ACBD5: variants seen among roughly 807,000 people sequenced by gnomAD.
ACBD5 encodes the protein acyl-CoA binding domain containing 5, also known as acyl-CoA-binding domain-containing protein 5.
A neutral mutation model predicts 71.8 loss-of-function variants in ACBD5; 40 were observed. The observed-to-expected ratio is 0.56, with a 90% confidence interval of 0.43 to 0.72. ACBD5 has a LOEUF of 0.72. ACBD5 is among the 30% of genes least tolerant of loss of function. The probability of loss-of-function intolerance (pLI) is 0.00; values close to 1 mark genes in which losing one functional copy is unlikely to be tolerated. For synonymous variants in ACBD5, 229 were observed against 218.6 expected, an observed-to-expected ratio of 1.05 and a Z score of -0.42; for missense variants, 559 against 644.5, an observed-to-expected ratio of 0.87 and a Z score of 1.44.
upstream of ACBD5, chr10:27,240,853 C>A: frequency 2.0e-6 from 2 of 999,956 alleles, no homozygotes; most frequent in Middle Eastern, 3.1e-4. The surrounding 1 kb of genome is among the most constrained non-coding windows in gnomAD (Gnocchi z 4.1). Flanking sequence ...GACCCACTGG[C>A]GCCGCCGCCG....
At chr10:27,234,013 C>T (rs892897735) in intron 3 of ACBD5, among the ~76,000 whole-genome samples, 1 of 152,344 alleles carries the variant, frequency 6.6e-6, no homozygotes, top group East Asian at 1.9e-4. Context: ...CATTGCACTC[C>T]AGCCTGGGCA....
chr10:27,242,048 C>T (rs1219639859), upstream of ACBD5: 1 of 453,690 alleles, frequency 2.2e-6, no homozygotes, highest in Non-Finnish European at 4.4e-6. Context: ...AGCCGCGGCG[C>T]CGGCATTTAC....
intron 4 of ACBD5, among the ~76,000 whole-genome samples, chr10:27,227,690 C>T (rs1227777651): frequency 2.0e-5 from 3 of 152,076 alleles, no homozygotes; most frequent in Admixed American, 6.6e-5. Flanking sequence ...GCCATGGCAA[C>T]TTTCAGGTTC....
At chr10:27,229,485 G>A (rs1165514405) in intron 4 of ACBD5, among the ~76,000 whole-genome samples, 2 of 151,928 alleles carry the variant, frequency 1.3e-5, no homozygotes, top group Non-Finnish European at 2.9e-5. Context: ...CCAGCTACTC[G>A]GGAGGCTGAG....
At chr10:27,235,596 T>C (rs2780666) in intron 2 of ACBD5, among the ~76,000 whole-genome samples, 110,025 of 152,106 alleles carry the variant, frequency 0.72, 39,908 homozygotes, top group Non-Finnish European at 0.74. Flanking sequence ...CAAAACTGAC[T>C]AGTGTAAGTG....
intron 9 of ACBD5, among the ~76,000 whole-genome samples, chr10:27,209,745 A>G (rs2060865519): frequency 6.6e-6 from 1 of 152,230 alleles, no homozygotes; most frequent in Admixed American, 6.5e-5. Context: ...TATTTACAAA[A>G]TTGGCATTAC....
rs1259569792 is a variant in ACBD5 at position 27,195,389 on chromosome 10, G to C, written c.*2041C>G. ...TATATACAAGAACTGTGTGCAAAGT[G>C]CTTTTCAAACTATAAAATAAGACTT... On this transcript the variant is annotated 3_prime_UTR_variant, in exon 13 of 13. Transcript: ENST00000396271. The C allele has an allele frequency of 4.4e-6, 2 of 454,290 alleles. No individual in the cohort carries two copies. Among genetic ancestry groups the C allele is most frequent in the Non-Finnish European group, 8.8e-6 (2 of 226,770 alleles). The allele number at this position is 454,290 out of a possible 1,614,324, so 28.1% of individuals were successfully genotyped here.
intron 3 of ACBD5, among the ~76,000 whole-genome samples, chr10:27,234,174 A>G (rs1196746943): frequency 6.6e-6 from 1 of 152,258 alleles, no homozygotes; most frequent in Non-Finnish European, 1.5e-5. Context: ...CTGTTAGTCA[A>G]CTGGGAAAAC....
In ACBD5 at chr10:27,210,886, T is replaced by C. The variant is rs1302954823; in HGVS notation, c.1132A>G (p.Asn378Asp). Residue 378 changes from asparagine to aspartate, a missense_variant, in exon 9 of 13, where the codon AAC becomes GAC. By Grantham distance (23) the Asn-to-Asp change is conservative. Coordinates refer to ENST00000396271, the MANE Select transcript of ACBD5 (RefSeq NM_145698.5). ...VKHGGEDGRNNSGAPHREKRG... is the reference protein window; with the variant it reads ...VKHGGEDGRNDSGAPHREKRG... ...TTCTCCCGGTGTGGTGCTCCGCTGTTATTCCTGCCATCTTCTCCTCCATGC... is the reference window on the plus strand; with the variant it reads ...TTCTCCCGGTGTGGTGCTCCGCTGTCATTCCTGCCATCTTCTCCTCCATGC... The C allele has an allele frequency of 1.2e-6, 2 of 1,614,232 alleles. No individual in the cohort carries two copies. The highest frequency in any genetic ancestry group is 1.7e-5 in the Admixed American group (1 of 60,012).
At chr10:27,207,984 C>A (rs1245591759) in intron 10 of ACBD5, among the ~76,000 whole-genome samples, 1 of 152,208 alleles carries the variant, frequency 6.6e-6, no homozygotes, top group East Asian at 1.9e-4. Flanking sequence ...ATCCACCCAC[C>A]TCGGCCTCCC....
At position 27,196,524 on chromosome 10, in the gene ACBD5, T is replaced by A. The variant is rs941153990; in HGVS notation, c.*906A>T. 2.0e-5 allele frequency: 9 copies of A among 448,322 alleles called. No individual in the cohort carries two copies. The highest frequency in any genetic ancestry group is 3.1e-5 in the Non-Finnish European group (7 of 225,490). 27.8% of individuals were successfully genotyped at this position (448,322 alleles called of 1,614,324 possible). ...AGGTTAAGAGTCCAGTCTATATAGT[T>A]CATCAGTTGCAGAAAAGTGATTTTC... On this transcript the variant is annotated 3_prime_UTR_variant, in exon 13 of 13. Transcript: ENST00000396271.
At chr10:27,210,753 C>T in intron 9 of ACBD5, 61 bp downstream of exon 9, 2 of 1,610,616 alleles carry the variant, frequency 1.2e-6, no homozygotes, top group Non-Finnish European at 1.7e-6. Flanking sequence ...GCGCGAGACT[C>T]CATCTCAAAA....
downstream of ACBD5, among the ~76,000 whole-genome samples, chr10:27,191,270 T>TA (rs1314846997): frequency 6.6e-6 from 1 of 152,074 alleles, no homozygotes; most frequent in African/African-American, 2.4e-5. Flanking sequence ...ATAGAGACAG[T>TA]AAAAGGATCT....
At position 27,210,976 on chromosome 10, in the gene ACBD5, G is replaced by T; in HGVS notation, c.1042C>A (p.Pro348Thr). Reference protein sequence around the residue: ...NSGFREDIQVPPGNGNIGNMQ... With the variant: ...NSGFREDIQVTPGNGNIGNMQ... Reference sequence around the variant, plus strand: ...TTCCCAATGTTGCCATTTCCAGGAGGTACTTGAATATCTTCACGAAATCCA... The same window carrying T: ...TTCCCAATGTTGCCATTTCCAGGAGTTACTTGAATATCTTCACGAAATCCA... The change falls in exon 9 of 13, where the codon CCT becomes ACT. Residue 348 changes from proline to threonine, a missense_variant. By Grantham distance (38) the Pro-to-Thr change is conservative (BLOSUM62 -1). Coordinates refer to ENST00000396271, the MANE Select transcript of ACBD5 (RefSeq NM_145698.5). 6.2e-7 allele frequency: 1 copy of T among 1,614,078 alleles called. No individual in the cohort carries two copies. Among genetic ancestry groups the T allele is most frequent in the South Asian group, 1.1e-5 (1 of 91,074 alleles).
intron 8 of ACBD5, among the ~76,000 whole-genome samples, chr10:27,211,900 T>C (rs969538870): frequency 6.6e-6 from 1 of 151,844 alleles, no homozygotes; most frequent in Admixed American, 6.6e-5. Context: ...AAGGGACATC[T>C]GAGTTAGGGT....
intron 8 of ACBD5, among the ~76,000 whole-genome samples, chr10:27,215,171 CA>C (rs138064304): frequency 0.027 from 4,121 of 151,226 alleles, 76 homozygotes; most frequent in Middle Eastern, 0.048. Flanking sequence ...CTCTAAAAAA[CA>C]AAAAAAACAA....
chr10:27,218,889 GT>G (rs938790302), intron 6 of ACBD5, among the ~76,000 whole-genome samples: 25 of 152,130 alleles, frequency 1.6e-4, no homozygotes, highest in Admixed American at 1.5e-3. Flanking sequence ...CCCGGCCGCA[GT>G]TTGTTTTAGT....
chr10:27,213,803 A>G (rs1353903073), intron 8 of ACBD5, among the ~76,000 whole-genome samples: 3 of 152,126 alleles, frequency 2.0e-5, no homozygotes. Context: ...TATGACCAGC[A>G]ATTCCACTGC....
At chr10:27,217,259 C>G (rs548474543) in intron 7 of ACBD5, among the ~76,000 whole-genome samples, 1 of 150,088 alleles carries the variant, frequency 6.7e-6, no homozygotes, top group African/African-American at 2.5e-5. Flanking sequence ...AGTTTGAGAC[C>G]ACCCTGGCCA....
Sources: allele counts gnomAD v4.1 joint callset (sites outside exome capture counted in the v4.1 genomes callset), GRCh38; gene constraint gnomAD v4.1.1; non-coding constraint Gnocchi (gnomAD v3.1); transcripts MANE v1.5; gene names NCBI Gene and HGNC (gene_info 2026-07-23, HGNC 2026-07-21).